Variants in AIG1 observed in about 807,000 individuals in gnomAD.
AIG1 encodes androgen induced 1.
AIG1 carries 23 observed loss-of-function variants against 31.4 expected under a neutral mutation model. That is an observed-to-expected ratio of 0.73 (90% CI 0.53 to 1.04). The LOEUF is 1.04. Among genes scored for constraint, AIG1 ranks in the 50% least tolerant of loss-of-function variants. The probability of loss-of-function intolerance (pLI) is 0.00; values close to 1 mark genes in which losing one functional copy is unlikely to be tolerated. For missense variants in AIG1, 274 were observed against 295.0 expected, an observed-to-expected ratio of 0.93 and a Z score of 0.52; for synonymous variants, 100 against 110.5, an observed-to-expected ratio of 0.90 and a Z score of 0.60.
At chr6:143,238,168 T>C (rs1793954321) in intron 3 of AIG1, among the ~76,000 whole-genome samples, 1 of 152,194 alleles carries the variant, frequency 6.6e-6, no homozygotes, top group Admixed American at 6.5e-5. Flanking sequence ...CTCGAACTCC[T>C]GACCTCAGGT....
chr6:143,323,184 G>A (rs960559412), intron 4 of AIG1, among the ~76,000 whole-genome samples: 1 of 152,172 alleles, frequency 6.6e-6, no homozygotes, highest in Non-Finnish European at 1.5e-5. Flanking sequence ...ACGTAGGCGG[G>A]ACCAGTTAAA....
At chr6:143,111,689 T>C (rs1192728790) in intron 1 of AIG1, among the ~76,000 whole-genome samples, 1 of 152,208 alleles carries the variant, frequency 6.6e-6, no homozygotes, top group African/African-American at 2.4e-5. Flanking sequence ...ACTTAAAACT[T>C]AACATGTCAG....
intron 2 of AIG1, among the ~76,000 whole-genome samples, chr6:143,146,748 C>T (rs1299675262): frequency 1.3e-5 from 2 of 152,090 alleles, no homozygotes; most frequent in Non-Finnish European, 2.9e-5. Context: ...AAGTAATTTC[C>T]CTTTAAGGAA....
chr6:143,269,773 T>C (rs1258844504), intron 3 of AIG1, among the ~76,000 whole-genome samples: 1 of 152,042 alleles, frequency 6.6e-6, no homozygotes, highest in East Asian at 1.9e-4. Context: ...TCGGCAAAAC[T>C]GATGTATGGT....
intron 1 of AIG1, among the ~76,000 whole-genome samples, chr6:143,092,592 T>G (rs556587356): frequency 2.6e-5 from 4 of 152,300 alleles, no homozygotes; most frequent in Admixed American, 2.6e-4. Context: ...AAAGAAGTCC[T>G]TTTGTTTTCT....
At chr6:143,257,446 G>A (rs987864302) in intron 3 of AIG1, among the ~76,000 whole-genome samples, 2 of 152,134 alleles carry the variant, frequency 1.3e-5, no homozygotes, top group African/African-American at 2.4e-5. Context: ...ACAAATAAAC[G>A]CTTGTGAATC....
intron 3 of AIG1, among the ~76,000 whole-genome samples, chr6:143,278,347 A>G (rs1365754991): frequency 6.6e-6 from 1 of 152,228 alleles, no homozygotes; most frequent in Non-Finnish European, 1.5e-5. Flanking sequence ...CGGGGACGTG[A>G]CATTAAATAA....
chr6:143,287,308 A>T (rs1415814536), intron 4 of AIG1, among the ~76,000 whole-genome samples: 4 of 152,144 alleles, frequency 2.6e-5, no homozygotes, highest in Non-Finnish European at 5.9e-5. Flanking sequence ...AGTTCAGTTC[A>T]AATATTATCT....
Position 143,279,371 on chromosome 6 carries a change from C to T in AIG1, c.400-4739C>T, listed in dbSNP as rs1489955724. On this transcript the variant is annotated intron_variant, in intron 3 of 5. Coordinates refer to ENST00000357847, the MANE Select transcript of AIG1 (RefSeq NM_016108.4). This position sits in a 1 kb window ranked among gnomAD's most constrained non-coding sequence, Gnocchi z 5.4. ...AGCTTCACACATGTGTGAGAACCTG[C>T]GGGTCTGAGAGTGAGGAAGGACAAA... Among the ~76,000 whole-genome samples, 4 of 152,174 alleles carry T rather than the reference C, an allele frequency of 2.6e-5. No homozygotes were observed. The highest frequency in any genetic ancestry group is 1.9e-4 in the East Asian group (1 of 5,204).
At chr6:143,091,767 A>C (rs1321598681) in intron 1 of AIG1, among the ~76,000 whole-genome samples, 1 of 152,232 alleles carries the variant, frequency 6.6e-6, no homozygotes, top group Non-Finnish European at 1.5e-5. Context: ...CTAAAGTTAA[A>C]GGTTCCAAAT....
chr6:143,228,929 G>A (rs570084833), intron 3 of AIG1, among the ~76,000 whole-genome samples: 5 of 152,300 alleles, frequency 3.3e-5, no homozygotes, highest in African/African-American at 1.2e-4. Flanking sequence ...GTGGCCACAT[G>A]AGACACTGCT....
chr6:143,067,515 T>A (rs1348131002), intron 1 of AIG1, among the ~76,000 whole-genome samples: 1 of 152,192 alleles, frequency 6.6e-6, no homozygotes, highest in African/African-American at 2.4e-5. Context: ...CTTTTAGACA[T>A]GCTGAGAATT....
chr6:143,275,651 C>T (rs896031696), intron 3 of AIG1, among the ~76,000 whole-genome samples: 1 of 152,138 alleles, frequency 6.6e-6, no homozygotes, highest in Non-Finnish European at 1.5e-5. Context: ...TACTTATCAA[C>T]CCCTAGTCAC....
chr6:143,060,049 G>T (rs540959694), upstream of AIG1, among the ~76,000 whole-genome samples: 3 of 152,196 alleles, frequency 2.0e-5, no homozygotes, highest in South Asian at 6.2e-4. Flanking sequence ...ATCCAAAATT[G>T]GAATTTTTTA....
At chr6:143,149,567 T>C (rs1225493585) in intron 2 of AIG1, among the ~76,000 whole-genome samples, 1 of 114,840 alleles carries the variant, frequency 8.7e-6, no homozygotes, top group East Asian at 2.4e-4. Flanking sequence ...AGAAAGAAAA[T>C]AGGAGTTGTG....
rs965714370 is a variant in AIG1, at chr6:143,299,561, G to A, written c.515+15336G>A. 2.0e-5 allele frequency: 3 copies of A among 152,222 alleles called. No homozygotes were observed. The highest frequency in any genetic ancestry group is 7.2e-5 in the African/African-American group (3 of 41,458). 9.4% of individuals were successfully genotyped at this position (152,222 alleles called of 1,614,324 possible). A position where few individuals can be genotyped will look rare whatever the true frequency, so the allele number is the denominator to read the frequency against. On this transcript the variant is annotated intron_variant, in intron 4 of 5. Transcript: ENST00000357847. This position sits in a 1 kb window ranked among gnomAD's most constrained non-coding sequence, Gnocchi z 4.1. The stretch of plus-strand genomic sequence containing the variant: ...TGTTTCTTTTTGGCTAAAGATGGAA[G>A]TTTGAAGTTATGAAATACCCATATG...
chr6:143,133,124 G>T (rs536289966), intron 1 of AIG1, among the ~76,000 whole-genome samples: 2 of 152,004 alleles, frequency 1.3e-5, no homozygotes, highest in Non-Finnish European at 2.9e-5. Flanking sequence ...GACATTGTGC[G>T]CTATGTTGTT....
intron 1 of AIG1, chr6:143,061,340 G>T: frequency 1.7e-6 from 1 of 581,830 alleles, no homozygotes. Context: ...GCCAGGTGGT[G>T]GGCTCTTTGG....
chr6:143,171,132 A>G (rs1447953480), intron 3 of AIG1, among the ~76,000 whole-genome samples: 1 of 151,622 alleles, frequency 6.6e-6, no homozygotes, highest in East Asian at 1.9e-4. Flanking sequence ...AGATAAACCA[A>G]AAAAGGTTCT....
Sources: gnomAD v4.1 joint callset for allele counts (sites outside exome capture counted in the v4.1 genomes callset) on GRCh38, gnomAD v4.1.1 for gene constraint, Gnocchi (gnomAD v3.1) non-coding constraint, MANE v1.5 for transcripts, NCBI Gene and HGNC (gene_info 2026-07-23, HGNC 2026-07-21) for gene names.